IGF1R: variants seen among roughly 807,000 people sequenced by gnomAD.
IGF1R encodes the protein insulin-like growth factor 1 receptor.
A neutral mutation model predicts 144.6 loss-of-function variants in IGF1R; 44 were observed. The observed-to-expected ratio is 0.30, with a 90% CI of 0.24 to 0.39. The LOEUF is 0.39. IGF1R is among the 10% of genes least tolerant of loss of function. IGF1R has a pLI of 1.00. For missense variants in IGF1R, 1,355 were observed against 1,833.7 expected (o/e 0.74, Z 4.77); for synonymous variants, 795 against 722.8 (o/e 1.10, Z -1.60).
At chr15:98,901,945 C>T (rs751620691) in intron 5 of IGF1R, among the ~76,000 whole-genome samples, 24 of 152,224 alleles carry the variant, frequency 1.6e-4, no homozygotes, top group African/African-American at 2.2e-4. Context: ...ATGTTTTGCA[C>T]GCAGGTATAA....
At chr15:98,677,065 G>T (rs1354544396) in intron 1 of IGF1R, among the ~76,000 whole-genome samples, 2 of 152,064 alleles carry the variant, frequency 1.3e-5, no homozygotes, top group African/African-American at 4.8e-5. Context: ...CTCCTGAGTA[G>T]CTGGGACTAC....
At chr15:98,877,487 G>GC (rs1387306085) in intron 2 of IGF1R, among the ~76,000 whole-genome samples, 5 of 81,642 alleles carry the variant, frequency 6.1e-5, no homozygotes, top group Non-Finnish European at 8.5e-5. Flanking sequence ...GGCACTAGCA[G>GC]CCTTTTTTTT....
chr15:98,906,008 C>T (rs1380193827), intron 5 of IGF1R, among the ~76,000 whole-genome samples: 1 of 152,224 alleles, frequency 6.6e-6, no homozygotes, highest in Non-Finnish European at 1.5e-5. Context: ...TTAGCTTCCA[C>T]AGGCTCCATA....
intron 2 of IGF1R, among the ~76,000 whole-genome samples, chr15:98,731,260 TGTTATA>T (rs1338663682): frequency 4.6e-5 from 7 of 152,240 alleles, no homozygotes; most frequent in Admixed American, 4.6e-4. Flanking sequence ...CTTTCTTCAG[TGTTATA>T]GTTAATAGCA....
intron 2 of IGF1R, among the ~76,000 whole-genome samples, chr15:98,835,347 C>A (rs1462607316): frequency 6.6e-6 from 1 of 152,054 alleles, no homozygotes; most frequent in Non-Finnish European, 1.5e-5. Context: ...TACCATTCAC[C>A]CCTACCAGCG....
At chr15:98,906,728 C>A (rs1240991689) in intron 5 of IGF1R, among the ~76,000 whole-genome samples, 1 of 152,210 alleles carries the variant, frequency 6.6e-6, no homozygotes, top group East Asian at 1.9e-4. Context: ...GCTGTGTGTT[C>A]AGGAGGGAGC....
chr15:98,867,087 A>T (rs1402215704), intron 2 of IGF1R, among the ~76,000 whole-genome samples: 2 of 148,998 alleles, frequency 1.3e-5, no homozygotes, highest in African/African-American at 2.5e-5. Flanking sequence ...ATGGAGGTTT[A>T]TTTTTTTTTA....
At chr15:98,817,507 T>C (rs1322196336) in intron 2 of IGF1R, among the ~76,000 whole-genome samples, 1 of 151,846 alleles carries the variant, frequency 6.6e-6, no homozygotes, top group Non-Finnish European at 1.5e-5. Flanking sequence ...TGGGTAGTCA[T>C]TGAGGCCTCT....
At chr15:98,827,582 C>G (rs2056917018) in intron 2 of IGF1R, among the ~76,000 whole-genome samples, 1 of 152,234 alleles carries the variant, frequency 6.6e-6, no homozygotes, top group Non-Finnish European at 1.5e-5. Flanking sequence ...TAAACCAACT[C>G]TCACTTAGCT....
chr15:98,768,977 C>T (rs964505734), intron 2 of IGF1R, among the ~76,000 whole-genome samples: 63 of 152,102 alleles, frequency 4.1e-4, no homozygotes, highest in African/African-American at 1.5e-3. Context: ...CAACCCTGGT[C>T]TCCCAGAGCT....
chr15:98,885,352 C>T (rs1219319903), intron 2 of IGF1R, among the ~76,000 whole-genome samples: 3 of 152,202 alleles, frequency 2.0e-5, no homozygotes, highest in Non-Finnish European at 2.9e-5. Flanking sequence ...TGGGGCAGGA[C>T]GCTGCATGTC....
intron 10 of IGF1R, among the ~76,000 whole-genome samples, chr15:98,919,206 T>TC: frequency 6.6e-6 from 1 of 152,290 alleles, no homozygotes; most frequent in East Asian, 1.9e-4. Context: ...CCGACTCTTT[T>TC]CCCCCTCTTC....
chr15:98,960,822 C>G lies in IGF1R; in HGVS notation c.*3380C>G, dbSNP rs902849628. 2.1e-5 allele frequency: 5 copies of G among 233,762 alleles called. No individual in the cohort carries two copies. Among genetic ancestry groups the G allele is most frequent in the East Asian group, 6.0e-5 (1 of 16,602 alleles). The allele number at this position is 233,762 out of a possible 1,614,324, so 14.5% of individuals were successfully genotyped here. On this transcript the variant is annotated 3_prime_UTR_variant, in exon 21 of 21. Transcript: ENST00000650285. Reference sequence around the variant, plus strand: ...GCTGCCCTCTCAACTTCTCCCTCACCTCCTTCCCTAGGGGTAGACAGAGAT... The same window carrying G: ...GCTGCCCTCTCAACTTCTCCCTCACGTCCTTCCCTAGGGGTAGACAGAGAT...
chr15:98,701,387 A>T (rs1426147359), intron 1 of IGF1R, among the ~76,000 whole-genome samples: 2 of 127,844 alleles, frequency 1.6e-5, no homozygotes, highest in African/African-American at 6.4e-5. Flanking sequence ...CCCAGGCTGG[A>T]GTGCAGTGGC....
intron 1 of IGF1R, among the ~76,000 whole-genome samples, chr15:98,667,883 C>T (rs1010280752): frequency 1.3e-4 from 19 of 151,926 alleles, no homozygotes; most frequent in Admixed American, 1.1e-3. Context: ...TTTGCCTGGT[C>T]GTCAGGCAGG....
At chr15:98,698,881 A>G (rs1393162896) in intron 1 of IGF1R, among the ~76,000 whole-genome samples, 1 of 152,242 alleles carries the variant, frequency 6.6e-6, no homozygotes, top group Non-Finnish European at 1.5e-5. Context: ...CTAGACTTAG[A>G]TAACTGGCTA....
At position 98,792,507 on chromosome 15, in the gene IGF1R, T is replaced by A. The variant is rs1333473441; in HGVS notation, c.640+84400T>A. Among the ~76,000 whole-genome samples the A allele has an allele frequency of 3.9e-5, 6 of 152,288 alleles. No individual in the cohort carries two copies. In the East Asian group the frequency reaches 9.6e-4, roughly 24 times the overall value. ...TTTGTTTGGAAAGAAGCTTTTAAAATCAAAACCATGAATCTGTGGTTATCT... is the reference window on the plus strand; with the variant it reads ...TTTGTTTGGAAAGAAGCTTTTAAAAACAAAACCATGAATCTGTGGTTATCT... On this transcript the variant is annotated intron_variant, in intron 2 of 20. Coordinates refer to ENST00000650285, the MANE Select transcript of IGF1R (RefSeq NM_000875.5).
At chr15:98,751,148 A>T (rs565086718) in intron 2 of IGF1R, among the ~76,000 whole-genome samples, 1 of 152,136 alleles carries the variant, frequency 6.6e-6, no homozygotes, top group Non-Finnish European at 1.5e-5. Flanking sequence ...TGATCGTTAC[A>T]TGTTTATTTC....
At chr15:98,794,044 T>C (rs914733115) in intron 2 of IGF1R, among the ~76,000 whole-genome samples, 2 of 152,206 alleles carry the variant, frequency 1.3e-5, no homozygotes, top group Non-Finnish European at 2.9e-5. Context: ...ACAAGTGTCC[T>C]GGGTATTCCT....
Sources: allele counts gnomAD v4.1 joint callset (sites outside exome capture counted in the v4.1 genomes callset), GRCh38; gene constraint gnomAD v4.1.1; transcripts MANE v1.5; gene names NCBI Gene and HGNC (gene_info 2026-07-23, HGNC 2026-07-21).